Variants in CSMD2 observed in about 807,000 individuals in gnomAD.
CSMD2 encodes CUB and Sushi multiple domains 2.
A neutral mutation model predicts 398.5 loss-of-function variants in CSMD2; 130 were observed. The observed-to-expected ratio is 0.33, with a 90% confidence interval of 0.28 to 0.38. CSMD2 has a LOEUF of 0.38. Ranked by LOEUF, CSMD2 falls within the 10% of genes least tolerant of loss-of-function variation. CSMD2 has a pLI of 1.00. For missense variants in CSMD2, 3,829 were observed against 4,764.9 expected (o/e 0.80, Z 5.78); for synonymous variants, 1,828 against 1,908.5 (o/e 0.96, Z 1.10).
intron 16 of CSMD2, among the ~76,000 whole-genome samples, chr1:33,726,162 G>C (rs1571355619): frequency 6.6e-6 from 1 of 152,152 alleles, no homozygotes; most frequent in African/African-American, 2.4e-5. Flanking sequence ...GCAGGATTTG[G>C]GGCAGAGGTG....
chr1:33,520,650 C>T (rs904776579), intron 68 of CSMD2, among the ~76,000 whole-genome samples: 7 of 145,078 alleles, frequency 4.8e-5, no homozygotes, highest in Non-Finnish European at 7.6e-5. Context: ...GGGACAACTC[C>T]GGGGGAGGAG....
chr1:33,702,544 A>G (rs1290114894), intron 22 of CSMD2, among the ~76,000 whole-genome samples: 1 of 152,166 alleles, frequency 6.6e-6, no homozygotes, highest in Non-Finnish European at 1.5e-5. Context: ...CCTTTATTCT[A>G]TGCATTTATT....
At position 33,883,253 on chromosome 1, in the gene CSMD2, G is replaced by A. The variant is rs1321629; in HGVS notation, c.920+34841C>T. 7.7e-3 allele frequency among the ~76,000 whole-genome samples: 1,166 copies of A among 152,310 alleles called. 10 individuals carry two copies. Among genetic ancestry groups the A allele is most frequent in the African/African-American group, 0.026 (1,093 of 41,564 alleles). ...GATATATTGGTATATGTCTTAGGCT[G>A]CGGAGTAAAAAAGACCTGGGCTTCC... On this transcript the variant is annotated intron_variant, in intron 5 of 70. Transcript: ENST00000373381.
intron 24 of CSMD2, among the ~76,000 whole-genome samples, chr1:33,698,132 T>C (rs947125160): frequency 6.6e-6 from 1 of 152,234 alleles, no homozygotes; most frequent in African/African-American, 2.4e-5. Context: ...TATTTTGCAC[T>C]TCTGCCTCAG....
At chr1:34,055,206 AAAAC>A (rs1451514160) in intron 2 of CSMD2, among the ~76,000 whole-genome samples, 2 of 152,190 alleles carry the variant, frequency 1.3e-5, no homozygotes, top group Non-Finnish European at 2.9e-5. Flanking sequence ...CAGCTGTAGA[AAAAC>A]AAACTGTTTT....
At chr1:33,550,143 A>G in intron 56 of CSMD2, 34 bp downstream of exon 56, 1 of 1,598,782 alleles carries the variant, frequency 6.3e-7, no homozygotes, top group Admixed American at 1.7e-5. Flanking sequence ...CAAGCATTCC[A>G]CTGGAGCTCT....
At chr1:33,865,380 G>A (rs1639948602) in intron 5 of CSMD2, among the ~76,000 whole-genome samples, 1 of 145,984 alleles carries the variant, frequency 6.9e-6, no homozygotes, top group Non-Finnish European at 1.5e-5. Context: ...ATCAGGAGGA[G>A]GCAAGGGGCA....
chr1:34,019,323 C>G (rs1342662174), intron 3 of CSMD2, among the ~76,000 whole-genome samples: 2 of 152,184 alleles, frequency 1.3e-5, no homozygotes, highest in Non-Finnish European at 2.9e-5. Flanking sequence ...ACTGGAGACC[C>G]CAGCACTTGA....
intron 39 of CSMD2, among the ~76,000 whole-genome samples, chr1:33,615,467 T>C (rs1379816898): frequency 6.6e-6 from 1 of 152,034 alleles, no homozygotes; most frequent in Non-Finnish European, 1.5e-5. Context: ...CCGAAAACAG[T>C]GCAGAGTAGG....
chr1:33,664,063 T>C (rs146154791), intron 25 of CSMD2, among the ~76,000 whole-genome samples: 226 of 152,324 alleles, frequency 1.5e-3, no homozygotes, highest in African/African-American at 5.1e-3. Context: ...ATCCAATCCA[T>C]TTATCACTAT....
At chr1:33,760,206 C>G (rs1281005736) in intron 13 of CSMD2, among the ~76,000 whole-genome samples, 1 of 152,226 alleles carries the variant, frequency 6.6e-6, no homozygotes, top group Non-Finnish European at 1.5e-5. Flanking sequence ...TTGTCCCCAC[C>G]AAACCATTCC....
intron 3 of CSMD2, among the ~76,000 whole-genome samples, chr1:33,991,317 C>T (rs2884534): frequency 0.61 from 93,346 of 152,026 alleles, 29,926 homozygotes; most frequent in East Asian, 0.83. Flanking sequence ...GTGTCCTGTA[C>T]TTCCAATTGG....
chr1:33,610,021 G>A (rs979834813), intron 41 of CSMD2, among the ~76,000 whole-genome samples: 1 of 152,160 alleles, frequency 6.6e-6, no homozygotes, highest in South Asian at 2.1e-4. Context: ...ACCATGTGAG[G>A]ACGCAGTGAG....
intron 54 of CSMD2, among the ~76,000 whole-genome samples, chr1:33,558,770 T>C (rs1658275448): frequency 6.6e-6 from 1 of 152,152 alleles, no homozygotes; most frequent in Non-Finnish European, 1.5e-5. Flanking sequence ...CTCTGTGTGT[T>C]TTCCCCCAGC....
chr1:33,824,635 A>G (rs1465521499), intron 7 of CSMD2, among the ~76,000 whole-genome samples: 3 of 152,026 alleles, frequency 2.0e-5, no homozygotes, highest in Non-Finnish European at 4.4e-5. Flanking sequence ...TACTTCTAGC[A>G]TCTCCAGGAA....
At chr1:33,541,052 TA>T in intron 59 of CSMD2, 77 bp downstream of exon 59, 1 of 1,444,208 alleles carries the variant, frequency 6.9e-7, no homozygotes, top group Non-Finnish European at 9.6e-7. Context: ...CTCTCCCTTC[TA>T]GAGAGATGCT....
intron 53 of CSMD2, among the ~76,000 whole-genome samples, chr1:33,565,592 TA>T (rs1232581876): frequency 6.6e-6 from 1 of 151,880 alleles, no homozygotes; most frequent in African/African-American, 2.4e-5. Flanking sequence ...ACTAAAGCCA[TA>T]AAATGAATAG....
chr1:33,932,194 C>G (rs1245356059), intron 4 of CSMD2, among the ~76,000 whole-genome samples: 1 of 152,100 alleles, frequency 6.6e-6, no homozygotes, highest in Non-Finnish European at 1.5e-5. Context: ...AAGTTTGAAA[C>G]AAGCTGAGGA....
At chr1:33,585,121 G>A (rs143940938) in intron 46 of CSMD2, among the ~76,000 whole-genome samples, 8 of 152,308 alleles carry the variant, frequency 5.3e-5, no homozygotes, top group Non-Finnish European at 8.8e-5. Flanking sequence ...TGTTCTTTCA[G>A]TACAAAGGTG....
Sources: allele counts gnomAD v4.1 joint callset (sites outside exome capture counted in the v4.1 genomes callset), GRCh38; gene constraint gnomAD v4.1.1; transcripts MANE v1.5; gene names NCBI Gene and HGNC (gene_info 2026-07-23, HGNC 2026-07-21).